Variants in DYRK1A observed in about 807,000 individuals in gnomAD.
The protein encoded by DYRK1A is dual specificity tyrosine-phosphorylation-regulated kinase 1A.
In DYRK1A, 9 loss-of-function variants were observed where a neutral mutation model predicts 79.7. The ratio of observed to expected loss-of-function variants is 0.11; its 90% CI spans 0.07 to 0.20. DYRK1A has a LOEUF of 0.20. Ranked by LOEUF, DYRK1A falls within the 10% of genes least tolerant of loss-of-function variation. DYRK1A has a pLI of 1.00. For synonymous variants in DYRK1A, 349 were observed against 329.7 expected (o/e 1.06, Z -0.63); for missense variants, 622 against 956.0 (o/e 0.65, Z 4.61).
At chr21:37,414,797 A>G (rs1344702056) in intron 1 of DYRK1A, among the ~76,000 whole-genome samples, 1 of 152,208 alleles carries the variant, frequency 6.6e-6, no homozygotes, top group Non-Finnish European at 1.5e-5. Context: ...ATATCTATTC[A>G]CAAGAGAATA....
At chr21:37,392,634 A>G (rs779651492) in intron 1 of DYRK1A, among the ~76,000 whole-genome samples, 5 of 152,178 alleles carry the variant, frequency 3.3e-5, no homozygotes, top group Non-Finnish European at 5.9e-5. Flanking sequence ...CTCTTTTACA[A>G]GGACATGAAT....
intron 2 of DYRK1A, among the ~76,000 whole-genome samples, chr21:37,437,392 T>C (rs2835741): frequency 0.14 from 21,151 of 152,186 alleles, 1,593 homozygotes; most frequent in Middle Eastern, 0.17. Context: ...GCAGATTTTT[T>C]TGTGGAGTGG....
chr21:37,424,201 C>T (rs55814414), intron 2 of DYRK1A, among the ~76,000 whole-genome samples: 11,470 of 152,084 alleles, frequency 0.075, 643 homozygotes, highest in Non-Finnish European at 0.11. Flanking sequence ...TTGTCTGTGT[C>T]TCCTTCTCTA....
At chr21:37,393,421 A>G (rs1215403671) in intron 1 of DYRK1A, among the ~76,000 whole-genome samples, 2 of 152,150 alleles carry the variant, frequency 1.3e-5, no homozygotes, top group Admixed American at 6.5e-5. Flanking sequence ...GGGTACATAT[A>G]GGTCTCTGGT....
chr21:37,367,424 C>T lies in DYRK1A; in HGVS notation c.-281C>T, dbSNP rs1187676978. On this transcript the variant is annotated 5_prime_UTR_variant, in exon 1 of 12. Coordinates refer to ENST00000647188, the MANE Select transcript of DYRK1A (RefSeq NM_001347721.2). ...CGGTATTTGCCGGGGAGGGGGCTGTCGCCTCCCCGGCCCCGGGCGCCGCTG... is the reference window on the plus strand; with the variant it reads ...CGGTATTTGCCGGGGAGGGGGCTGTTGCCTCCCCGGCCCCGGGCGCCGCTG... 8 of 148,582 alleles carry T rather than the reference C, an allele frequency of 5.4e-5. No homozygotes were observed. Among genetic ancestry groups the T allele is most frequent in the Non-Finnish European group, 1.0e-4 (7 of 66,680 alleles). 9.2% of individuals were successfully genotyped at this position (148,582 alleles called of 1,614,324 possible). A position where few individuals can be genotyped will look rare whatever the true frequency, so the allele number is the denominator to read the frequency against.
intron 1 of DYRK1A, chr21:37,418,814 A>C (rs2148425034): frequency 6.6e-6 from 1 of 152,308 alleles, no homozygotes; most frequent in East Asian, 1.9e-4. Flanking sequence ...TGTTTAATGT[A>C]ATACCGTAAC....
chr21:37,471,874 T>C (rs1258981901), intron 2 of DYRK1A, among the ~76,000 whole-genome samples: 1 of 152,248 alleles, frequency 6.6e-6, no homozygotes, highest in Non-Finnish European at 1.5e-5. Flanking sequence ...TTTTAGGCTT[T>C]AGTCTGTGAT....
At chr21:37,414,245 G>GT (rs56982813) in intron 1 of DYRK1A, among the ~76,000 whole-genome samples, 30,865 of 151,794 alleles carry the variant, frequency 0.2, 3,365 homozygotes, top group East Asian at 0.36. Context: ...TTTTTTCTCT[G>GT]TTTTTCCTCC....
intron 1 of DYRK1A, among the ~76,000 whole-genome samples, chr21:37,399,364 G>A (rs1425565856): frequency 6.6e-6 from 1 of 152,118 alleles, no homozygotes; most frequent in East Asian, 1.9e-4. Context: ...TTATGAAATT[G>A]GGGATAGAGA....
chr21:37,405,809 A>C (rs1289801637), intron 1 of DYRK1A, among the ~76,000 whole-genome samples: 8 of 152,218 alleles, frequency 5.3e-5, no homozygotes, highest in Admixed American at 5.2e-4. Context: ...TGTGAAGTCC[A>C]CGAGGTAGAG....
At chr21:37,430,193 A>T in intron 2 of DYRK1A, 1 of 631,030 alleles carries the variant, frequency 1.6e-6, no homozygotes, top group Non-Finnish European at 2.0e-6. Context: ...CCCACCAGTT[A>T]CTTCCAGCTT....
intron 1 of DYRK1A, among the ~76,000 whole-genome samples, chr21:37,374,776 A>G (rs956842314): frequency 1.3e-5 from 2 of 152,030 alleles, no homozygotes; most frequent in African/African-American, 4.8e-5. Flanking sequence ...GATGGTCTCA[A>G]TCTCCTGACC....
intron 2 of DYRK1A, among the ~76,000 whole-genome samples, chr21:37,440,292 C>T (rs139637601): frequency 1.4e-3 from 206 of 151,380 alleles, no homozygotes; most frequent in African/African-American, 4.6e-3. Context: ...TGTGCCACTA[C>T]GTCTGGCTAA....
chr21:37,423,001 TAACA>T (rs2050517731), intron 2 of DYRK1A, among the ~76,000 whole-genome samples: 1 of 152,146 alleles, frequency 6.6e-6, no homozygotes, highest in South Asian at 2.1e-4. Context: ...AATGATTTGT[TAACA>T]AACATTTATT....
chr21:37,431,456 A>C (rs981953756), intron 2 of DYRK1A, among the ~76,000 whole-genome samples: 29 of 152,232 alleles, frequency 1.9e-4, no homozygotes, highest in African/African-American at 7.0e-4. Context: ...ATTGAAAGTC[A>C]GCACCTGTAC....
intron 2 of DYRK1A, chr21:37,428,800 A>G (rs980765458): frequency 1.3e-5 from 2 of 152,240 alleles, no homozygotes; most frequent in Non-Finnish European, 2.9e-5. Flanking sequence ...TAAGATTTGG[A>G]TAGTGTAGAT....
chr21:37,420,420 T>A (rs1343912190), intron 2 of DYRK1A, 36 bp downstream of exon 2: 2 of 1,607,370 alleles, frequency 1.2e-6, no homozygotes, highest in Middle Eastern at 1.7e-4. Context: ...AAACTCTGGC[T>A]AAGAGAATGT....
chr21:37,497,748 T>C (rs2053316562), intron 9 of DYRK1A, among the ~76,000 whole-genome samples: 1 of 152,188 alleles, frequency 6.6e-6, no homozygotes, highest in African/African-American at 2.4e-5. Context: ...AATTGATCTA[T>C]AGGTATTACT....
In DYRK1A at chr21:37,523,063, A is replaced by G. The variant is rs1340977087; in HGVS notation, c.*10532A>G. Reference sequence around the variant, plus strand: ...ATTCTTAGTATTATTTTTTAGGGATAGGGTCTTGCTGTGTTGCCCAGGCTG... The same window carrying G: ...ATTCTTAGTATTATTTTTTAGGGATGGGGTCTTGCTGTGTTGCCCAGGCTG... On this transcript the variant is annotated 3_prime_UTR_variant, in exon 12 of 12. Coordinates refer to ENST00000647188, the MANE Select transcript of DYRK1A (RefSeq NM_001347721.2). 1 of 152,316 alleles carries G rather than the reference A, an allele frequency of 6.6e-6. No homozygotes were observed. The highest frequency in any genetic ancestry group is 2.4e-5 in the African/African-American group (1 of 41,458). 9.4% of individuals were successfully genotyped at this position (152,316 alleles called of 1,614,324 possible).
Sources: allele counts gnomAD v4.1 joint callset (sites outside exome capture counted in the v4.1 genomes callset), GRCh38; gene constraint gnomAD v4.1.1; transcripts MANE v1.5; gene names NCBI Gene and HGNC (gene_info 2026-07-23, HGNC 2026-07-21).